Variants in DPY19L1 observed in about 807,000 individuals in gnomAD.
The protein encoded by DPY19L1 is dpy-19 like C-mannosyltransferase 1.
Under a neutral mutation model 96.9 loss-of-function variants are expected in DPY19L1, and 35 were observed. That is an observed-to-expected ratio of 0.36 (90% CI 0.28 to 0.48). DPY19L1 has a LOEUF of 0.48. Ranked by LOEUF, DPY19L1 falls within the 20% of genes least tolerant of loss-of-function variation. The probability of loss-of-function intolerance (pLI) is 0.99; values close to 1 mark genes in which losing one functional copy is unlikely to be tolerated. For missense variants in DPY19L1, 521 were observed against 777.9 expected (o/e 0.67, Z 3.93); for synonymous variants, 205 against 252.6 (o/e 0.81, Z 1.79).
Position 34,939,257 on chromosome 7 carries a change from T to C in DPY19L1, c.1964+19A>G. On this transcript the variant is annotated intron_variant, in intron 20 of 21. Coordinates refer to ENST00000638088, the MANE Select transcript of DPY19L1 (RefSeq NM_001366673.1). Reference sequence around the variant, plus strand: ...TTGCATGGGAGGTTTGTTTTGATGATGCAAGACTGTGCACTGACCTCAAGC... The same window carrying C: ...TTGCATGGGAGGTTTGTTTTGATGACGCAAGACTGTGCACTGACCTCAAGC... 2 of 1,609,332 alleles carry C rather than the reference T, an allele frequency of 1.2e-6. No homozygotes were observed. Among genetic ancestry groups the C allele is most frequent in the South Asian group, 1.1e-5 (1 of 90,494 alleles).
At chr7:34,952,760 G>A (rs1392220276) in intron 13 of DPY19L1, among the ~76,000 whole-genome samples, 2 of 151,654 alleles carry the variant, frequency 1.3e-5, no homozygotes, top group Admixed American at 6.6e-5. Context: ...TTCCAAATAC[G>A]GCAGAGTGAA....
At chr7:35,015,994 CAAAT>C (rs1785838299) in intron 3 of DPY19L1, among the ~76,000 whole-genome samples, 1 of 152,030 alleles carries the variant, frequency 6.6e-6, no homozygotes, top group African/African-American at 2.4e-5. Flanking sequence ...AGATTAATAT[CAAAT>C]AAGTAAAAAA....
At chr7:34,958,893 T>G (rs1479431070) in intron 10 of DPY19L1, among the ~76,000 whole-genome samples, 1 of 152,198 alleles carries the variant, frequency 6.6e-6, no homozygotes, top group Non-Finnish European at 1.5e-5. Flanking sequence ...TGTGTGTATG[T>G]GTGAACTGCT....
chr7:34,993,680 G>C (rs889555435), intron 6 of DPY19L1, among the ~76,000 whole-genome samples: 3 of 151,744 alleles, frequency 2.0e-5, no homozygotes, highest in African/African-American at 7.3e-5. Context: ...ATTTGGGTTG[G>C]GAAGGGCTGT....
chr7:35,001,804 T>C (rs558133707), intron 6 of DPY19L1, among the ~76,000 whole-genome samples: 169 of 151,922 alleles, frequency 1.1e-3, no homozygotes, highest in African/African-American at 3.8e-3. Flanking sequence ...GCACCTAACA[T>C]GGAAGGTAGA....
intron 3 of DPY19L1, among the ~76,000 whole-genome samples, chr7:35,017,495 C>T (rs1432041765): frequency 3.7e-5 from 1 of 27,250 alleles, no homozygotes; most frequent in East Asian, 5.6e-4. Context: ...GAGCGAGACT[C>T]CGTCTCAAAA....
chr7:34,994,803 C>CAAA (rs560016715), intron 6 of DPY19L1, among the ~76,000 whole-genome samples: 2 of 124,070 alleles, frequency 1.6e-5, no homozygotes, highest in African/African-American at 5.8e-5. Context: ...GATTCCGTCT[C>CAAA]AAAAAAAAAA....
intron 21 of DPY19L1, among the ~76,000 whole-genome samples, chr7:34,932,276 A>C (rs183125194): frequency 6.6e-6 from 1 of 152,236 alleles, no homozygotes. Context: ...TAAACCCATC[A>C]TAAGTTGAAA....
At chr7:34,993,890 T>C (rs1460467851) in intron 6 of DPY19L1, among the ~76,000 whole-genome samples, 1 of 149,862 alleles carries the variant, frequency 6.7e-6, no homozygotes, top group Non-Finnish European at 1.5e-5. Flanking sequence ...TGAAACACTA[T>C]CTCTACGAAA....
At chr7:35,010,105 CTA>C (rs1299222242) in intron 6 of DPY19L1, among the ~76,000 whole-genome samples, 1 of 151,842 alleles carries the variant, frequency 6.6e-6, no homozygotes, top group African/African-American at 2.4e-5. Flanking sequence ...TGGCGTGCAC[CTA>C]TAGTCCCAGC....
chr7:34,966,916 C>A lies in DPY19L1; in HGVS notation c.1070G>T (p.Arg357Leu). The A allele has an allele frequency of 1.3e-6, 2 of 1,532,706 alleles. No individual in the cohort carries two copies. The highest frequency in any genetic ancestry group is 2.5e-5 in the South Asian group (2 of 79,268). 94.9% of individuals were successfully genotyped at this position (1,532,706 alleles called of 1,614,324 possible). Residue 357 changes from arginine (R) to leucine (L), a missense_variant, in exon 10 of 22, where the codon CGG becomes CTG. Physicochemically the swap from Arg to Leu is moderately radical, Grantham distance 102. Transcript: ENST00000638088. ...TACCATGTGTATATAAATGATCTTC[C>A]GTAATTTACATATATCAATGTACCC... ...VVGYIDICKL[R>L]KIIYIHMISL...
intron 6 of DPY19L1, among the ~76,000 whole-genome samples, chr7:34,999,842 A>G (rs1477968727): frequency 2.0e-5 from 3 of 152,246 alleles, no homozygotes; most frequent in Non-Finnish European, 4.4e-5. Flanking sequence ...AATTATTTAT[A>G]CCACTTAATT....
In DPY19L1 at chr7:34,931,551, T is replaced by A. The variant is rs1421098606; in HGVS notation, c.*22A>T. The stretch of plus-strand genomic sequence containing the variant: ...AAACCATTACAGATGTAGTTCTCCG[T>A]AGGCAGCAGGTCATGTAGCAGTCAT... On this transcript the variant is annotated 3_prime_UTR_variant, in exon 22 of 22. Transcript: ENST00000638088. The A allele has an allele frequency of 6.6e-7, 1 of 1,512,444 alleles. No individual in the cohort carries two copies. Among genetic ancestry groups the A allele is most frequent in the South Asian group, 1.4e-5 (1 of 72,618 alleles). 93.7% of individuals were successfully genotyped at this position (1,512,444 alleles called of 1,614,324 possible). A position where few individuals can be genotyped will look rare whatever the true frequency, so the allele number is the denominator to read the frequency against.
At chr7:35,033,537 T>C (rs1231026668) in intron 1 of DPY19L1, among the ~76,000 whole-genome samples, 1 of 152,168 alleles carries the variant, frequency 6.6e-6, no homozygotes, top group Non-Finnish European at 1.5e-5. Flanking sequence ...TTTTTTACCA[T>C]AATCAGACAA....
At position 34,930,333 on chromosome 7, in the gene DPY19L1, AAAG is replaced by A. The variant is rs1427811546; in HGVS notation, c.*1237_*1239del. The A allele has an allele frequency of 6.6e-6, 1 of 152,238 alleles. No homozygotes were observed. 9.4% of individuals were successfully genotyped at this position (152,238 alleles called of 1,614,324 possible). ...AAACAAAAATTCATACAAGGAATTCAAAGAAGGTGTAGAAATTTTTCAAAATAA... is the reference window on the plus strand; with the variant it reads ...AAACAAAAATTCATACAAGGAATTCAAAGGTGTAGAAATTTTTCAAAATAA... On this transcript the variant is annotated 3_prime_UTR_variant, in exon 22 of 22. Transcript: ENST00000638088.
intron 17 of DPY19L1, 50 bp from the exon 18 acceptor site, chr7:34,941,934 A>G (rs767940051): frequency 6.0e-5 from 92 of 1,545,808 alleles, no homozygotes; most frequent in Non-Finnish European, 8.0e-5. Context: ...GTGAAGTTTA[A>G]GAATACTAAA....
chr7:34,958,894 G>A (rs753762665), intron 10 of DPY19L1, among the ~76,000 whole-genome samples: 7 of 152,180 alleles, frequency 4.6e-5, no homozygotes, highest in Non-Finnish European at 1.0e-4. Flanking sequence ...GTGTGTATGT[G>A]TGAACTGCTT....
intron 6 of DPY19L1, among the ~76,000 whole-genome samples, chr7:34,995,613 T>G (rs1300881604): frequency 6.6e-6 from 1 of 152,214 alleles, no homozygotes; most frequent in African/African-American, 2.4e-5. Context: ...TTGATAGGTT[T>G]CATTAATCAT....
At chr7:35,033,833 A>G (rs1485631234) in intron 1 of DPY19L1, among the ~76,000 whole-genome samples, 1 of 151,914 alleles carries the variant, frequency 6.6e-6, no homozygotes, top group East Asian at 1.9e-4. Context: ...AAATGACACA[A>G]TTTTGCCTCC....
Sources: allele counts gnomAD v4.1 joint callset (sites outside exome capture counted in the v4.1 genomes callset), GRCh38; gene constraint gnomAD v4.1.1; transcripts MANE v1.5; gene names NCBI Gene and HGNC (gene_info 2026-07-23, HGNC 2026-07-21).